FOXRED2: variants seen among roughly 807,000 people sequenced by gnomAD.
FOXRED2 encodes the protein FAD-dependent oxidoreductase domain-containing protein 2.
FOXRED2 carries 32 observed loss-of-function variants against 52.5 expected under a neutral mutation model. The ratio of observed to expected loss-of-function variants is 0.61; its 90% CI spans 0.46 to 0.82. The LOEUF is 0.82. Ranked by LOEUF, FOXRED2 falls within the 40% of genes least tolerant of loss-of-function variation. The probability of loss-of-function intolerance (pLI) is 0.00; values close to 1 mark genes in which losing one functional copy is unlikely to be tolerated. For missense variants in FOXRED2, 848 were observed against 937.5 expected, an observed-to-expected ratio of 0.90 and a Z score of 1.25; for synonymous variants, 405 against 398.1, an observed-to-expected ratio of 1.02 and a Z score of -0.21.
At chr22:36,505,392 G>T (rs1934163821) in intron 2 of FOXRED2, among the ~76,000 whole-genome samples, 1 of 152,232 alleles carries the variant, frequency 6.6e-6, no homozygotes, top group South Asian at 2.1e-4. Flanking sequence ...CATTGGTGAG[G>T]ATCGCCATCC....
intron 4 of FOXRED2, among the ~76,000 whole-genome samples, chr22:36,502,586 TCCTCCTGCCTCAG>T (rs1460181042): frequency 2.0e-5 from 3 of 152,082 alleles, no homozygotes; most frequent in African/African-American, 4.8e-5. Context: ...GCTCCAGTGA[TCCTCCTGCCTCAG>T]CCTCCTGAGT....
At chr22:36,496,358 C>T in intron 6 of FOXRED2, 150 bp from the exon 7 acceptor site, 2 of 975,726 alleles carry the variant, frequency 2.0e-6, no homozygotes, top group East Asian at 2.6e-5. Context: ...ATTACTTTTT[C>T]AGCTCAGCTC....
chr22:36,494,086 A>G (rs1053446087), intron 7 of FOXRED2, among the ~76,000 whole-genome samples: 3 of 152,216 alleles, frequency 2.0e-5, no homozygotes, highest in African/African-American at 7.2e-5. Flanking sequence ...TAAGACTCAC[A>G]TGGACTGAGA....
At position 36,490,198 on chromosome 22, in the gene FOXRED2, A is replaced by T. The variant is rs553060729; in HGVS notation, c.1865T>A (p.Met622Lys). The T allele has an allele frequency of 6.6e-5, 106 of 1,613,844 alleles. No individual in the cohort carries two copies. The highest frequency in any genetic ancestry group is 7.6e-5 in the Non-Finnish European group (90 of 1,179,852). Residue 622 changes from methionine (M) to lysine (K), a missense_variant, in exon 9 of 9, where the codon ATG (methionine) becomes AAG (lysine). Met to Lys is a moderately conservative substitution (Grantham distance 95). Transcript: ENST00000397224. ...GCTCTCGGTACTCACGAGTCCCTGCATCCTCAGGTACCCCTGCTGGCAAAA... is the reference window on the plus strand; with the variant it reads ...GCTCTCGGTACTCACGAGTCCCTGCTTCCTCAGGTACCCCTGCTGGCAAAA... ...PPFCQQGYLR[M>K]QGLVSTESLW... is the part of the protein sequence containing the mutation.
chr22:36,498,374 C>A, intron 5 of FOXRED2: 6 of 558,206 alleles, frequency 1.1e-5, no homozygotes, highest in Admixed American at 3.2e-5. Context: ...CCAGACAATC[C>A]ATATTCTCTG....
At chr22:36,496,316 G>A in intron 6 of FOXRED2, 108 bp from the exon 7 acceptor site, 1 of 1,371,320 alleles carries the variant, frequency 7.3e-7, no homozygotes, top group Non-Finnish European at 1.0e-6. Flanking sequence ...CCTCTAAGGA[G>A]CGTCAATCAA....
chr22:36,503,251 A>T (rs1324330012), intron 4 of FOXRED2, among the ~76,000 whole-genome samples: 1 of 151,482 alleles, frequency 6.6e-6, no homozygotes, highest in Non-Finnish European at 1.5e-5. Flanking sequence ...GGCCTCCCAA[A>T]GTGCTGGGAT....
chr22:36,506,474 G>T (rs1934204317), intron 1 of FOXRED2, 51 bp from the exon 2 acceptor site: 2 of 1,408,894 alleles, frequency 1.4e-6, no homozygotes, highest in Non-Finnish European at 1.8e-6. Context: ...GCGGCTGGGA[G>T]ACACGAGGCC....
intron 8 of FOXRED2, among the ~76,000 whole-genome samples, chr22:36,492,181 G>A (rs925980989): frequency 5.3e-5 from 8 of 152,140 alleles, no homozygotes; most frequent in African/African-American, 1.2e-4. Flanking sequence ...AGAGGACAGC[G>A]GGAAGACTGG....
chr22:36,498,053 C>T lies in FOXRED2; in HGVS notation c.1320G>A (p.Val440=), dbSNP rs1349828218. The change falls in exon 6 of 9, where the codon GTG becomes GTA. Residue 440 remains valine (V), a synonymous_variant. Coordinates refer to ENST00000397224, the MANE Select transcript of FOXRED2 (RefSeq NM_001102371.2). ...TQLTSSIVRR[V]NEASGLYQMF... ...TCTGGTAGAGCCCAGAAGCCTCATT[C>T]ACGCGCCGCACGATGGAGCTGGTCA... The T allele has an allele frequency of 6.2e-7, 1 of 1,614,116 alleles. No individual in the cohort carries two copies. Among genetic ancestry groups the T allele is most frequent in the South Asian group, 1.1e-5 (1 of 91,076 alleles).
chr22:36,498,094 G>T lies in FOXRED2; in HGVS notation c.1279C>A (p.Leu427Ile). The T allele has an allele frequency of 6.2e-7, 1 of 1,613,870 alleles. No homozygotes were observed. Among genetic ancestry groups the T allele is most frequent in the Non-Finnish European group, 8.5e-7 (1 of 1,180,034 alleles). Residue 427 changes from leucine to isoleucine, a missense_variant, in exon 6 of 9, where the codon CTC (leucine) becomes ATC (isoleucine). Transcript: ENST00000397224. Reference sequence around the variant, plus strand: ...GAGCTGGTCAGCTGTGTGATGGGGAGCTCAGTGGCGGGCCAGGTGACGCTG... The same window carrying T: ...GAGCTGGTCAGCTGTGTGATGGGGATCTCAGTGGCGGGCCAGGTGACGCTG... ...HHSVTWPATE[L>I]PITQLTSSIV... is the part of the protein sequence containing the mutation.
chr22:36,488,235 CTTTTT>C lies in FOXRED2; in HGVS notation c.*1768_*1772del, dbSNP rs889054898. The C allele has an allele frequency of 5.3e-5, 8 of 151,886 alleles. No homozygotes were observed. Among genetic ancestry groups the C allele is most frequent in the African/African-American group, 1.9e-4 (8 of 41,340 alleles). 9.4% of individuals were successfully genotyped at this position (151,886 alleles called of 1,614,324 possible). On this transcript the variant is annotated 3_prime_UTR_variant, in exon 9 of 9. Coordinates refer to ENST00000397224, the MANE Select transcript of FOXRED2 (RefSeq NM_001102371.2). ...CACTTTTGTTGTAGCATACTTTGTT[CTTTTT>C]TATTTTTTATTTTTTTGAGATGGGG... is the stretch of plus-strand genomic sequence containing the variant.
At position 36,496,893 on chromosome 22, in the gene FOXRED2, CA is replaced by C. The variant is rs1173532542; in HGVS notation, c.1383-686del. Among the ~76,000 whole-genome samples the C allele has an allele frequency of 3.9e-5, 6 of 152,186 alleles. No homozygotes were observed. In the East Asian group the frequency reaches 9.7e-4, roughly 24 times the overall value. On this transcript the variant is annotated intron_variant, in intron 6 of 8. Coordinates refer to ENST00000397224, the MANE Select transcript of FOXRED2 (RefSeq NM_001102371.2). The stretch of plus-strand genomic sequence containing the variant: ...ATGGTTTGCATGTGGGGTGTTGAGA[CA>C]GGGGTGCCAGGCGTGCTGACTCACG...
intron 7 of FOXRED2, among the ~76,000 whole-genome samples, chr22:36,495,021 T>C (rs1186442404): frequency 6.6e-6 from 1 of 152,040 alleles, no homozygotes; most frequent in Non-Finnish European, 1.5e-5. Flanking sequence ...CTCGGCTCAC[T>C]GCAACCTCTG....
chr22:36,487,415 GAGA>G lies in FOXRED2; in HGVS notation c.*2590_*2592del, dbSNP rs1341478433. ...GGGGTATAAGCCAGAGTGGTGGGGT[GAGA>G]AGTTTAGACAGGAAAGATGGTTACG... On this transcript the variant is annotated 3_prime_UTR_variant, in exon 9 of 9. Coordinates refer to ENST00000397224, the MANE Select transcript of FOXRED2 (RefSeq NM_001102371.2). The G allele has an allele frequency of 6.6e-6, 1 of 152,250 alleles. No individual in the cohort carries two copies. The highest frequency in any genetic ancestry group is 6.5e-5 in the Admixed American group (1 of 15,280). 9.4% of individuals were successfully genotyped at this position (152,250 alleles called of 1,614,324 possible).
Position 36,490,142 on chromosome 22 carries a change from G to C in FOXRED2, c.1921C>G (p.Leu641Val). The C allele has an allele frequency of 1.2e-6, 2 of 1,614,128 alleles. No homozygotes were observed. The highest frequency in any genetic ancestry group is 1.7e-4 in the Middle Eastern group (1 of 6,060). Residue 641 changes from leucine (L) to valine (V), a missense_variant, in exon 9 of 9, where the codon CTG (leucine) becomes GTG (valine). Transcript: ENST00000397224. The part of the protein sequence containing the change: ...LWQHRVESRL[L>V]RDYAPTGRRL... ...CTGCCTGTGGGGGCATAGTCCCGCAGGAGCCTGCTCTCCACTCTGTGCTGC... is the reference window on the plus strand; with the variant it reads ...CTGCCTGTGGGGGCATAGTCCCGCACGAGCCTGCTCTCCACTCTGTGCTGC...
chr22:36,497,082 A>T (rs1279958434), intron 6 of FOXRED2, among the ~76,000 whole-genome samples: 2 of 152,190 alleles, frequency 1.3e-5, no homozygotes, highest in Admixed American at 1.3e-4. Flanking sequence ...CGGGAGGCTG[A>T]GACACGAGAA....
At chr22:36,504,893 A>G (rs958623114) in intron 2 of FOXRED2, 127 bp from the exon 3 acceptor site, 1 of 923,642 alleles carries the variant, frequency 1.1e-6, no homozygotes. Context: ...AGAAAATAGG[A>G]CATTCATTCA....
In FOXRED2 at chr22:36,490,267, T is replaced by G. The variant is rs199615293; in HGVS notation, c.1796A>C (p.Glu599Ala). The G allele has an allele frequency of 9.8e-5, 155 of 1,589,066 alleles. No homozygotes were observed. Among genetic ancestry groups the G allele is most frequent in the Non-Finnish European group, 1.3e-4 (149 of 1,163,478 alleles). The change falls in exon 9 of 9, where the codon GAG (glutamate) becomes GCG (alanine). Residue 599 changes from glutamate to alanine, a missense_variant and splice_region_variant. Glu to Ala is a moderately radical substitution (Grantham distance 107). Coordinates refer to ENST00000397224, the MANE Select transcript of FOXRED2 (RefSeq NM_001102371.2). ...CGTGAGGGCGAACAGGAAGCAGGAC[T>G]CTACACAAAAGCAAAATGAGGAGAA... ...LDTDLRSFYA[E>A]SCFLFALTRQ...
Sources: gnomAD v4.1 joint callset for allele counts (sites outside exome capture counted in the v4.1 genomes callset) on GRCh38, gnomAD v4.1.1 for gene constraint, MANE v1.5 for transcripts, NCBI Gene and HGNC (gene_info 2026-07-23, HGNC 2026-07-21) for gene names.